DLGAP4: variants seen among roughly 807,000 people sequenced by gnomAD.
DLGAP4 encodes the protein disks large-associated protein 4.
A neutral mutation model predicts 86.9 loss-of-function variants in DLGAP4; 18 were observed. The observed-to-expected ratio is 0.21, with a 90% CI of 0.14 to 0.31. The LOEUF (loss-of-function observed/expected upper bound fraction) is 0.31. Ranked by LOEUF, DLGAP4 falls within the 10% of genes least tolerant of loss-of-function variation. The pLI, the probability that DLGAP4 is intolerant of heterozygous loss-of-function variation, is 1.00. For missense variants in DLGAP4, 1,085 were observed against 1,362.6 expected (o/e 0.80, Z 3.21); for synonymous variants, 548 against 574.3 (o/e 0.95, Z 0.65).
intron 8 of DLGAP4, chr20:36,499,044 C>G (rs528919376): frequency 1.8e-6 from 1 of 570,224 alleles, no homozygotes; most frequent in African/African-American, 1.9e-5. Flanking sequence ...CTAGAACTGC[C>G]GTCCAGGGTT....
At chr20:36,525,190 C>A (rs2037635742) in intron 11 of DLGAP4, among the ~76,000 whole-genome samples, 1 of 123,900 alleles carries the variant, frequency 8.1e-6, no homozygotes, top group African/African-American at 3.2e-5. Context: ...TGCATCCAGC[C>A]TGGGTGACAG....
chr20:36,404,271 G>A (rs557677296), intron 2 of DLGAP4, among the ~76,000 whole-genome samples: 1 of 152,274 alleles, frequency 6.6e-6, no homozygotes, highest in Admixed American at 6.5e-5. Context: ...TAGGTCTATG[G>A]TAGGGTGAAC....
intron 5 of DLGAP4, among the ~76,000 whole-genome samples, chr20:36,442,440 C>T (rs1416908846): frequency 7.9e-5 from 12 of 152,160 alleles, no homozygotes; most frequent in Admixed American, 1.3e-4. Context: ...GTGATCCACC[C>T]GCCTCGACCT....
At chr20:36,457,908 C>T (rs943307137) in intron 7 of DLGAP4, among the ~76,000 whole-genome samples, 5 of 151,632 alleles carry the variant, frequency 3.3e-5, no homozygotes, top group African/African-American at 1.2e-4. Context: ...GCTGGGATTA[C>T]AGGCATGAGC....
intron 2 of DLGAP4, among the ~76,000 whole-genome samples, chr20:36,409,325 T>G (rs1413774889): frequency 6.6e-6 from 1 of 151,774 alleles, no homozygotes; most frequent in African/African-American, 2.4e-5. Flanking sequence ...TGAGCCACCG[T>G]GCACAACCTA....
At chr20:36,437,478 C>T (rs555404925) in intron 4 of DLGAP4, among the ~76,000 whole-genome samples, 227 of 152,320 alleles carry the variant, frequency 1.5e-3, no homozygotes, top group Non-Finnish European at 2.8e-3. Context: ...GGCCAAAGCC[C>T]GCTCTACCCT....
chr20:36,516,668 G>GA (rs747235286), intron 10 of DLGAP4, among the ~76,000 whole-genome samples: 1,130 of 76,776 alleles, frequency 0.015, 14 homozygotes, highest in South Asian at 0.031. Context: ...TCCGTCTCAG[G>GA]AAAAAAAAAA....
chr20:36,448,042 CAA>C (rs59129162), intron 7 of DLGAP4, among the ~76,000 whole-genome samples: 637 of 139,012 alleles, frequency 4.6e-3, no homozygotes, highest in Middle Eastern at 0.011. Flanking sequence ...TTAAGATGGT[CAA>C]AAAAAAAAAA....
chr20:36,489,775 T>G (rs1275658394), intron 7 of DLGAP4, among the ~76,000 whole-genome samples: 3 of 151,748 alleles, frequency 2.0e-5, no homozygotes, highest in African/African-American at 7.3e-5. Flanking sequence ...CCAGAAGGAC[T>G]TGGGAGGATG....
intron 10 of DLGAP4, among the ~76,000 whole-genome samples, chr20:36,514,039 T>C (rs181506729): frequency 6.6e-6 from 1 of 152,194 alleles, no homozygotes; most frequent in African/African-American, 2.4e-5. Context: ...GCCTAATAAG[T>C]AGAGAAGACA....
chr20:36,397,887 T>G (rs2032046228), intron 2 of DLGAP4, among the ~76,000 whole-genome samples: 1 of 152,172 alleles, frequency 6.6e-6, no homozygotes, highest in African/African-American at 2.4e-5. Context: ...TTTGGGAGGA[T>G]GAGGTGGGTG....
intron 2 of DLGAP4, among the ~76,000 whole-genome samples, chr20:36,370,294 G>A (rs1354047280): frequency 6.6e-6 from 1 of 151,324 alleles, no homozygotes; most frequent in Non-Finnish European, 1.5e-5. Flanking sequence ...GAGCCCAGGA[G>A]TTCATGATCA....
intron 1 of DLGAP4, among the ~76,000 whole-genome samples, chr20:36,315,134 G>T (rs2065087304): frequency 6.7e-6 from 1 of 149,756 alleles, no homozygotes; most frequent in Non-Finnish European, 1.5e-5. Flanking sequence ...GGTGTGGTGT[G>T]TGTGATGTGT....
chr20:36,489,156 T>C (rs140902060), intron 7 of DLGAP4, among the ~76,000 whole-genome samples: 3 of 152,128 alleles, frequency 2.0e-5, no homozygotes, highest in East Asian at 1.9e-4. Context: ...GAAGGTGGAG[T>C]GTCACCTTGT....
Position 36,459,027 on chromosome 20 carries a change from G to T in DLGAP4, c.1648+12090G>T, listed in dbSNP as rs1473356799. Among the ~76,000 whole-genome samples the T allele has an allele frequency of 2.0e-5, 3 of 152,322 alleles. No individual in the cohort carries two copies. The East Asian group carries it at 5.8e-4, about 29-fold the overall frequency. On this transcript the variant is annotated intron_variant, in intron 7 of 12. Coordinates refer to ENST00000339266, the MANE Select transcript of DLGAP4 (RefSeq NM_001365621.2). ...GTTCTGGCACCTGAGACAGGACAGT[G>T]ACTATCTGGGAAGTTGGGAGAGGAG...
chr20:36,432,733 G>A lies in DLGAP4; in HGVS notation c.999+17G>A, dbSNP rs1213628777. 1.2e-6 allele frequency: 2 copies of A among 1,610,736 alleles called. No individual in the cohort carries two copies. The highest frequency in any genetic ancestry group is 1.7e-6 in the Non-Finnish European group (2 of 1,178,736). ...TACCTGCAGGTGGGTCTCTGGCAGG[G>A]TCAGGGGTGGGATGAGGGCTCTGGG... On this transcript the variant is annotated intron_variant, in intron 3 of 12. Coordinates refer to ENST00000339266, the MANE Select transcript of DLGAP4 (RefSeq NM_001365621.2). The surrounding 1 kb of genome is among the most constrained non-coding windows in gnomAD (Gnocchi z 6.5).
intron 2 of DLGAP4, among the ~76,000 whole-genome samples, chr20:36,368,854 C>T (rs2030801421): frequency 6.6e-6 from 1 of 152,200 alleles, no homozygotes; most frequent in Non-Finnish European, 1.5e-5. Context: ...CCCCCATAAC[C>T]CTGTGGAAGG....
intron 1 of DLGAP4, among the ~76,000 whole-genome samples, chr20:36,336,126 C>T (rs1376204779): frequency 6.6e-6 from 1 of 152,174 alleles, no homozygotes; most frequent in Admixed American, 6.6e-5. Context: ...TGCGGGGCAC[C>T]TCCACCACGA....
chr20:36,372,588 G>A (rs2030986064), intron 2 of DLGAP4, among the ~76,000 whole-genome samples: 1 of 150,592 alleles, frequency 6.6e-6, no homozygotes, highest in East Asian at 1.9e-4. Flanking sequence ...CAGCCACTAA[G>A]AGAATCTTAA....
Sources: gnomAD v4.1 joint callset for allele counts (sites outside exome capture counted in the v4.1 genomes callset) on GRCh38, gnomAD v4.1.1 for gene constraint, Gnocchi (gnomAD v3.1) non-coding constraint, MANE v1.5 for transcripts, NCBI Gene and HGNC (gene_info 2026-07-23, HGNC 2026-07-21) for gene names.